Variants in SPEF2 observed in about 807,000 individuals in gnomAD.
The protein encoded by SPEF2 is sperm flagella and cilia-associated protein 2.
Under a neutral mutation model 224.6 loss-of-function variants are expected in SPEF2, and 187 were observed. The observed-to-expected ratio is 0.83, with a 90% CI of 0.74 to 0.94. SPEF2 has a LOEUF of 0.94. SPEF2 is among the 40% of genes least tolerant of loss of function. The pLI is 0.00. For missense variants in SPEF2, 2,170 were observed against 2,135.6 expected (o/e 1.02, Z -0.32); for synonymous variants, 715 against 707.3 (o/e 1.01, Z -0.17).
intron 34 of SPEF2, among the ~76,000 whole-genome samples, chr5:35,802,351 C>T (rs947740199): frequency 8.5e-5 from 13 of 152,062 alleles, no homozygotes; most frequent in Admixed American, 2.6e-4. Context: ...GGAGCACATT[C>T]ACACACACAC....
intron 10 of SPEF2, among the ~76,000 whole-genome samples, chr5:35,672,164 A>G (rs993555759): frequency 6.6e-6 from 1 of 151,218 alleles, no homozygotes; most frequent in African/African-American, 2.4e-5. Context: ...GTTTGTCATT[A>G]TTAAATTTGT....
In SPEF2 at chr5:35,807,727, A is replaced by G. The variant is rs1031086393; in HGVS notation, c.5379+474A>G. ...GGAAAACAGTGTGCAAGATGGAGAA[A>G]CTAAGGACAAACCCCAGAGAAACTG... On this transcript the variant is annotated intron_variant, in intron 36 of 36. Transcript: ENST00000356031. The G allele has an allele frequency of 2.6e-6, 4 of 1,535,962 alleles. No individual in the cohort carries two copies. In the African/African-American group the frequency reaches 4.1e-5, roughly 16 times the overall value.
chr5:35,788,466 G>T, intron 30 of SPEF2: 1 of 702,782 alleles, frequency 1.4e-6, no homozygotes, highest in South Asian at 1.5e-5. Context: ...ATCAGTGATG[G>T]AATCATAGAC....
intron 36 of SPEF2, among the ~76,000 whole-genome samples, chr5:35,811,283 A>T (rs1758515386): frequency 6.6e-6 from 1 of 152,178 alleles, no homozygotes; most frequent in Admixed American, 6.5e-5. Flanking sequence ...CTTTCAAGAT[A>T]AGAAGAGCAA....
chr5:35,759,832 A>C, intron 25 of SPEF2, 113 bp downstream of exon 25: 1 of 1,105,438 alleles, frequency 9.0e-7, no homozygotes, highest in Non-Finnish European at 1.2e-6. Context: ...TCTAAGATCC[A>C]AAAAAGCTCT....
At chr5:35,655,375 C>T (rs931261147) in intron 7 of SPEF2, among the ~76,000 whole-genome samples, 2 of 152,196 alleles carry the variant, frequency 1.3e-5, no homozygotes, top group African/African-American at 2.4e-5. Flanking sequence ...GCTTTGAGTA[C>T]TTGTGATAGG....
chr5:35,720,511 T>A (rs1743442603), intron 20 of SPEF2, among the ~76,000 whole-genome samples: 1 of 152,222 alleles, frequency 6.6e-6, no homozygotes, highest in Non-Finnish European at 1.5e-5. Context: ...CATTATAAAC[T>A]ATCTTTGAAA....
intron 7 of SPEF2, among the ~76,000 whole-genome samples, chr5:35,658,597 CTTTTA>C (rs1749276589): frequency 1.3e-5 from 2 of 150,758 alleles, no homozygotes; most frequent in South Asian, 2.1e-4. Flanking sequence ...TTTTTTTTAA[CTTTTA>C]TTTTAAGTTC....
intron 26 of SPEF2, among the ~76,000 whole-genome samples, chr5:35,766,877 T>G (rs1213099240): frequency 6.6e-6 from 1 of 151,894 alleles, no homozygotes; most frequent in Non-Finnish European, 1.5e-5. Flanking sequence ...TTTTTAATTT[T>G]CAAAATAATA....
At chr5:35,625,238 A>T (rs1252694264) in intron 1 of SPEF2, among the ~76,000 whole-genome samples, 1 of 152,186 alleles carries the variant, frequency 6.6e-6, no homozygotes, top group Non-Finnish European at 1.5e-5. Flanking sequence ...TTAAGTGTTT[A>T]CTATTGTTCT....
At chr5:35,641,818 G>A in intron 3 of SPEF2, 135 bp downstream of exon 3, 2 of 907,110 alleles carry the variant, frequency 2.2e-6, no homozygotes. Flanking sequence ...CCATACTTGG[G>A]TTTTATTTTA....
At chr5:35,706,114 T>C (rs1739711042) in intron 18 of SPEF2, among the ~76,000 whole-genome samples, 2 of 151,790 alleles carry the variant, frequency 1.3e-5, no homozygotes, top group African/African-American at 2.4e-5. Context: ...TTTTATTCTC[T>C]GGATATTTGT....
chr5:35,780,861 A>G (rs1754247183), intron 30 of SPEF2, among the ~76,000 whole-genome samples: 1 of 152,216 alleles, frequency 6.6e-6, no homozygotes, highest in Non-Finnish European at 1.5e-5. Flanking sequence ...TTTGAAAATT[A>G]TCATCCACTT....
In SPEF2 at chr5:35,617,924, G is replaced by T; in HGVS notation, c.-74G>T. 1 of 1,459,422 alleles carries T rather than the reference G, an allele frequency of 6.9e-7. No individual in the cohort carries two copies. Among genetic ancestry groups the T allele is most frequent in the Non-Finnish European group, 9.4e-7 (1 of 1,062,482 alleles). The allele number at this position is 1,459,422 out of a possible 1,614,324, so 90.4% of individuals were successfully genotyped here. Reference sequence around the variant, plus strand: ...CAAAGGGTTGCCCTTGGCTACAGGAGGACGCGGGCTGGCAGGCTTGGTTCC... The same window carrying T: ...CAAAGGGTTGCCCTTGGCTACAGGATGACGCGGGCTGGCAGGCTTGGTTCC... On this transcript the variant is annotated 5_prime_UTR_variant, in exon 1 of 37. In the 5' UTR this introduces an upstream ATG that the reference lacks. Transcript: ENST00000356031.
intron 10 of SPEF2, among the ~76,000 whole-genome samples, chr5:35,676,206 A>G (rs921511448): frequency 1.3e-5 from 2 of 152,132 alleles, no homozygotes; most frequent in Non-Finnish European, 2.9e-5. Flanking sequence ...TTTGTTCTTG[A>G]TCACATAGAG....
At chr5:35,807,990 A>G in intron 36 of SPEF2, 1 of 1,298,856 alleles carries the variant, frequency 7.7e-7, no homozygotes, top group Non-Finnish European at 9.8e-7. Flanking sequence ...TTGTGTATTG[A>G]ACTACAAAGT....
chr5:35,644,664 C>A, intron 4 of SPEF2, 139 bp downstream of exon 4: 1 of 525,710 alleles, frequency 1.9e-6, no homozygotes, highest in Non-Finnish European at 3.1e-6. Flanking sequence ...CTGCCCTACT[C>A]TCACCCTTTC....
At chr5:35,785,437 C>G (rs1754962211) in intron 30 of SPEF2, among the ~76,000 whole-genome samples, 1 of 152,148 alleles carries the variant, frequency 6.6e-6, no homozygotes, top group Admixed American at 6.5e-5. Context: ...TTAGGAAAAT[C>G]TGTCCATAGA....
In SPEF2 at chr5:35,771,731, A is replaced by G; in HGVS notation, c.3924A>G (p.Lys1308=). 1 of 1,593,804 alleles carries G rather than the reference A, an allele frequency of 6.3e-7. No individual in the cohort carries two copies. Residue 1308 remains lysine, a synonymous_variant, in exon 27 of 37, where the codon AAA becomes AAG. Coordinates refer to ENST00000356031, the MANE Select transcript of SPEF2 (RefSeq NM_024867.4). ...AAGTCAAAAAGGAGCCACCCAAGAA[A>G]AAACAGGAAGACAAAAAACCCAAAG... ...NKKVKKEPPK[K]KQEDKKPKGK...
Sources: allele counts gnomAD v4.1 joint callset (sites outside exome capture counted in the v4.1 genomes callset), GRCh38; gene constraint gnomAD v4.1.1; transcripts MANE v1.5; gene names NCBI Gene and HGNC (gene_info 2026-07-23, HGNC 2026-07-21).